The following OLFM2 variants were observed in gnomAD, a reference collection of about 807,000 sequenced individuals.
OLFM2 encodes the protein noelin-2.
Under a neutral mutation model 43.9 loss-of-function variants are expected in OLFM2, and 20 were observed. That is an observed-to-expected ratio of 0.46 (90% CI 0.32 to 0.66). OLFM2 has a LOEUF of 0.66. Among genes scored for constraint, OLFM2 ranks in the 30% least tolerant of loss-of-function variants. The probability of loss-of-function intolerance (pLI) is 0.04; values close to 1 mark genes in which losing one functional copy is unlikely to be tolerated. For missense variants in OLFM2, 416 were observed against 643.6 expected (o/e 0.65, Z 3.83); for synonymous variants, 268 against 278.6 (o/e 0.96, Z 0.38).
At chr19:9,894,412 T>TAATAGTAATAAA (rs34379733) in intron 1 of OLFM2, among the ~76,000 whole-genome samples, 1 of 62,226 alleles carries the variant, frequency 1.6e-5, no homozygotes, top group African/African-American at 4.1e-5. Context: ...ATAATAATAA[T>TAATAGTAATAAA]AAATAAATAA....
At chr19:9,866,958 C>A (rs2046406532) in intron 1 of OLFM2, among the ~76,000 whole-genome samples, 1 of 152,152 alleles carries the variant, frequency 6.6e-6, no homozygotes, top group South Asian at 2.1e-4. Flanking sequence ...AATTAAACAC[C>A]AGCCTCTAAA....
chr19:9,914,364 G>C (rs2046858238), intron 1 of OLFM2, among the ~76,000 whole-genome samples: 1 of 152,136 alleles, frequency 6.6e-6, no homozygotes, highest in South Asian at 2.1e-4. Context: ...TTTAGCTGGG[G>C]GAAGGGGCTT....
At position 9,857,599 on chromosome 19, in the gene OLFM2, CAT is replaced by C; in HGVS notation, c.360+114_360+115del. The stretch of plus-strand genomic sequence containing the variant: ...TCTTTGATGCACACCTGGCCCTTGA[CAT>C]GTGGCTCATATTGGACCCTAGATTC... On this transcript the variant is annotated intron_variant, in intron 3 of 5. Coordinates refer to ENST00000264833, the MANE Select transcript of OLFM2 (RefSeq NM_058164.4). This position sits in a 1 kb window ranked among gnomAD's most constrained non-coding sequence, Gnocchi z 5.7. The C allele has an allele frequency of 6.4e-7, 1 of 1,561,510 alleles. No homozygotes were observed. Among genetic ancestry groups the C allele is most frequent in the Non-Finnish European group, 8.8e-7 (1 of 1,137,558 alleles).
intron 1 of OLFM2, among the ~76,000 whole-genome samples, chr19:9,868,630 A>T (rs996903872): frequency 6.6e-6 from 1 of 152,032 alleles, no homozygotes; most frequent in Non-Finnish European, 1.5e-5. Flanking sequence ...TCTACAATGA[A>T]CGTGTATTGT....
chr19:9,879,555 TC>T (rs1232380354), intron 1 of OLFM2, among the ~76,000 whole-genome samples: 1 of 152,102 alleles, frequency 6.6e-6, no homozygotes, highest in Non-Finnish European at 1.5e-5. Flanking sequence ...TCCTGAGGCC[TC>T]CCCAGCTATG....
At chr19:9,924,065 A>G (rs1230283119) in intron 1 of OLFM2, among the ~76,000 whole-genome samples, 1 of 132,060 alleles carries the variant, frequency 7.6e-6, no homozygotes, top group Non-Finnish European at 1.5e-5. Flanking sequence ...GTACCACTGC[A>G]TTTCAGCCTG....
Position 9,928,676 on chromosome 19 carries a change from A to G in OLFM2, c.63+7628T>C, listed in dbSNP as rs1345175581. Among the ~76,000 whole-genome samples, 6 of 151,912 alleles carry G rather than the reference A, an allele frequency of 3.9e-5. No homozygotes were observed. The East Asian group carries it at 7.8e-4, about 20-fold the overall frequency. ...AAAAACTAGCCAGGCATGGTGGTGC[A>G]CGCCTGTAGTCCCAGCTACTTGGGT... is the stretch of plus-strand genomic sequence containing the variant. On this transcript the variant is annotated intron_variant, in intron 1 of 5. Coordinates refer to ENST00000264833, the MANE Select transcript of OLFM2 (RefSeq NM_058164.4).
chr19:9,899,531 C>G (rs2046712634), intron 1 of OLFM2, among the ~76,000 whole-genome samples: 1 of 151,718 alleles, frequency 6.6e-6, no homozygotes, highest in Admixed American at 6.6e-5. Flanking sequence ...CACTCATACT[C>G]TCTCCCATCT....
intron 1 of OLFM2, among the ~76,000 whole-genome samples, chr19:9,925,791 A>G (rs2086448565): frequency 6.6e-6 from 1 of 151,716 alleles, no homozygotes; most frequent in African/African-American, 2.4e-5. Context: ...TCTCAAAAAG[A>G]TATTGGTACA....
At chr19:9,855,652 G>C (rs1285848557) in intron 5 of OLFM2, among the ~76,000 whole-genome samples, 2 of 151,770 alleles carry the variant, frequency 1.3e-5, no homozygotes, top group African/African-American at 4.8e-5. Flanking sequence ...TCTCACCTCA[G>C]CCCCCCGGAA....
At chr19:9,862,236 A>G (rs980492965) in intron 1 of OLFM2, among the ~76,000 whole-genome samples, 3 of 152,154 alleles carry the variant, frequency 2.0e-5, no homozygotes, top group Non-Finnish European at 4.4e-5. Flanking sequence ...TAGTGCAGGG[A>G]GTAACAGGGG....
chr19:9,861,314 C>T (rs2046364144), intron 1 of OLFM2, among the ~76,000 whole-genome samples: 2 of 151,678 alleles, frequency 1.3e-5, no homozygotes, highest in South Asian at 2.1e-4. Flanking sequence ...CTGCAACCTC[C>T]GCCTGTCTCC....
chr19:9,918,209 C>T (rs983685932), intron 1 of OLFM2, among the ~76,000 whole-genome samples: 2 of 148,460 alleles, frequency 1.3e-5, no homozygotes, highest in African/African-American at 2.5e-5. Context: ...TTTTTTAAGG[C>T]GAGGGGCTGG....
intron 1 of OLFM2, among the ~76,000 whole-genome samples, chr19:9,895,211 T>C (rs765291518): frequency 2.6e-5 from 4 of 152,046 alleles, no homozygotes; most frequent in Non-Finnish European, 5.9e-5. Flanking sequence ...GTCTAGGCTG[T>C]GTGCAGTGGC....
intron 1 of OLFM2, among the ~76,000 whole-genome samples, chr19:9,923,718 G>T (rs917679444): frequency 1.4e-4 from 22 of 152,040 alleles, no homozygotes; most frequent in African/African-American, 5.1e-4. Context: ...TGCAGTGGTG[G>T]GATTGCCTTT....
Position 9,854,093 on chromosome 19 carries a change from C to G in OLFM2, c.*93G>C, listed in dbSNP as rs934288383. 5.2e-6 allele frequency: 6 copies of G among 1,153,850 alleles called. No individual in the cohort carries two copies. Among genetic ancestry groups the G allele is most frequent in the Admixed American group, 2.0e-5 (1 of 49,870 alleles). The allele number at this position is 1,153,850 out of a possible 1,614,324, so 71.5% of individuals were successfully genotyped here. ...GCGGGGAGAAAGGGCGTGACAGAGA[C>G]AGAGAGATCACCCTTGAGGGACACA... On this transcript the variant is annotated 3_prime_UTR_variant, in exon 6 of 6. Coordinates refer to ENST00000264833, the MANE Select transcript of OLFM2 (RefSeq NM_058164.4). The surrounding 1 kb of genome is among the most constrained non-coding windows in gnomAD (Gnocchi z 9.5).
chr19:9,889,781 T>C (rs527358358), intron 1 of OLFM2, among the ~76,000 whole-genome samples: 7 of 152,052 alleles, frequency 4.6e-5, no homozygotes, highest in Admixed American at 2.0e-4. Flanking sequence ...AGTGAAGCTG[T>C]GTGTATGTGT....
At chr19:9,930,039 C>CAAA (rs886663569) in intron 1 of OLFM2, among the ~76,000 whole-genome samples, 8 of 145,868 alleles carry the variant, frequency 5.5e-5, no homozygotes, top group Non-Finnish European at 1.2e-4. Flanking sequence ...AACTCCATCT[C>CAAA]AAAAAAAAAA....
chr19:9,921,617 T>C (rs1343110180), intron 1 of OLFM2, among the ~76,000 whole-genome samples: 3 of 151,866 alleles, frequency 2.0e-5, no homozygotes, highest in African/African-American at 7.3e-5. Flanking sequence ...GCCTCCCAAG[T>C]AGCTGGGACT....
Sources: gnomAD v4.1 joint callset for allele counts (sites outside exome capture counted in the v4.1 genomes callset) on GRCh38, gnomAD v4.1.1 for gene constraint, Gnocchi (gnomAD v3.1) non-coding constraint, MANE v1.5 for transcripts, NCBI Gene and HGNC (gene_info 2026-07-23, HGNC 2026-07-21) for gene names.